Variants in ANK1 observed in about 807,000 individuals in gnomAD.
ANK1 encodes the protein ankyrin-1.
ANK1 carries 51 observed loss-of-function variants against 210.4 expected under a neutral mutation model. The ratio of observed to expected loss-of-function variants is 0.24; its 90% CI spans 0.19 to 0.31. The LOEUF is 0.31. ANK1 is among the 10% of genes least tolerant of loss of function. The pLI is 1.00. For missense variants in ANK1, 2,051 were observed against 2,504.4 expected (o/e 0.82, Z 3.86); for synonymous variants, 967 against 1,025.9 (o/e 0.94, Z 1.10).
chr8:41,730,375 C>T (rs558811593), intron 3 of ANK1, among the ~76,000 whole-genome samples: 5 of 151,456 alleles, frequency 3.3e-5, no homozygotes, highest in Admixed American at 2.0e-4. Flanking sequence ...GAGGCCAAGG[C>T]GGGAGGATTG....
intron 1 of ANK1, among the ~76,000 whole-genome samples, chr8:41,860,673 T>C (rs1813110249): frequency 6.6e-6 from 1 of 152,162 alleles, no homozygotes; most frequent in African/African-American, 2.4e-5. Flanking sequence ...GAATTTGCCT[T>C]CCAACAAGAA....
chr8:41,753,981 C>T (rs1838433960), intron 2 of ANK1, among the ~76,000 whole-genome samples: 1 of 152,210 alleles, frequency 6.6e-6, no homozygotes, highest in South Asian at 2.1e-4. Flanking sequence ...GCTGTCTCTT[C>T]CTCATGGTAG....
intron 26 of ANK1, among the ~76,000 whole-genome samples, 194 bp downstream of exon 26, chr8:41,696,169 C>T (rs1355394997): frequency 2.6e-5 from 4 of 152,212 alleles, no homozygotes; most frequent in South Asian, 2.1e-4. Flanking sequence ...AGATTACAGG[C>T]GTGAGCTATC....
chr8:41,890,232 G>A (rs1819150293), intron 1 of ANK1, among the ~76,000 whole-genome samples: 1 of 152,182 alleles, frequency 6.6e-6, no homozygotes, highest in Non-Finnish European at 1.5e-5. Context: ...AGAAAACTGA[G>A]GCTGGAGGAA....
chr8:41,799,874 G>C (rs538003305), upstream of ANK1, among the ~76,000 whole-genome samples: 7 of 152,204 alleles, frequency 4.6e-5, no homozygotes, highest in African/African-American at 1.4e-4. Flanking sequence ...TCAGGGAGCC[G>C]GACTCACGAT....
At chr8:41,818,540 A>G (rs1162511141) in intron 1 of ANK1, among the ~76,000 whole-genome samples, 2 of 152,136 alleles carry the variant, frequency 1.3e-5, no homozygotes, top group East Asian at 3.8e-4. Context: ...TAGCCAATTT[A>G]TTTATCCCAG....
intron 1 of ANK1, among the ~76,000 whole-genome samples, chr8:41,783,455 G>A (rs1018785635): frequency 1.3e-5 from 2 of 152,060 alleles, no homozygotes; most frequent in Admixed American, 6.6e-5. Flanking sequence ...GTGACAATTC[G>A]GGACTTTTTT....
intron 7 of ANK1, among the ~76,000 whole-genome samples, 159 bp from the exon 8 acceptor site, chr8:41,723,792 AT>A (rs1201907717): frequency 1.2e-3 from 163 of 140,084 alleles, no homozygotes; most frequent in East Asian, 4.2e-3. Context: ...TTTATTTTTT[AT>A]TTTTTTTTTT....
At chr8:41,683,078 G>GCA (rs375927042) in intron 37 of ANK1, among the ~76,000 whole-genome samples, 13 of 150,700 alleles carry the variant, frequency 8.6e-5, no homozygotes, top group Non-Finnish European at 1.6e-4. Context: ...ATGAACACGT[G>GCA]CACACACACA....
At chr8:41,658,303 A>G (rs539567861) in intron 42 of ANK1, among the ~76,000 whole-genome samples, 7 of 152,232 alleles carry the variant, frequency 4.6e-5, no homozygotes, top group Non-Finnish European at 1.0e-4. Context: ...TCCGAGTCAC[A>G]CTACAAACAA....
chr8:41,823,769 AC>A (rs1804873959), intron 1 of ANK1, among the ~76,000 whole-genome samples: 1 of 152,124 alleles, frequency 6.6e-6, no homozygotes, highest in Non-Finnish European at 1.5e-5. Context: ...GTCTGAAAAT[AC>A]ATTTTAAAAT....
chr8:41,743,020 C>T (rs1835172494), intron 2 of ANK1, among the ~76,000 whole-genome samples: 1 of 152,174 alleles, frequency 6.6e-6, no homozygotes, highest in Admixed American at 6.5e-5. Flanking sequence ...TACTCGATGT[C>T]ACAGAAGCTT....
In ANK1 at chr8:41,758,019, G is replaced by A. The variant is rs1178986616; in HGVS notation, c.129+17C>T. ...GCTACTCTTCAGAGACAACAGGCCTGCCTCCATCCCACTTACCTGGTTACA... is the reference window on the plus strand; with the variant it reads ...GCTACTCTTCAGAGACAACAGGCCTACCTCCATCCCACTTACCTGGTTACA... On this transcript the variant is annotated intron_variant, in intron 2 of 42. Transcript: ENST00000289734. 2 of 1,606,216 alleles carry A rather than the reference G, an allele frequency of 1.2e-6. No individual in the cohort carries two copies. The highest frequency in any genetic ancestry group is 3.3e-5 in the Admixed American group (2 of 60,016).
intron 21 of ANK1, 100 bp downstream of exon 21, chr8:41,701,952 C>A: frequency 7.7e-7 from 1 of 1,298,598 alleles, no homozygotes; most frequent in East Asian, 2.3e-5. Context: ...ACCCGCGTCC[C>A]GGAGCCCCAG....
At chr8:41,836,472 C>T (rs1342607255) in intron 1 of ANK1, among the ~76,000 whole-genome samples, 3 of 152,206 alleles carry the variant, frequency 2.0e-5, no homozygotes, top group African/African-American at 7.2e-5. Context: ...CGTGCTGGGC[C>T]CTTCCTTGAC....
At chr8:41,684,712 G>A (rs1417291445) in intron 36 of ANK1, 22 bp from the exon 37 acceptor site, 39 of 1,612,050 alleles carry the variant, frequency 2.4e-5, no homozygotes, top group Non-Finnish European at 2.9e-5. Flanking sequence ...GAAGAGAGAT[G>A]CACGTTACTC....
intron 1 of ANK1, among the ~76,000 whole-genome samples, chr8:41,809,815 G>T (rs1294612642): frequency 1.3e-5 from 2 of 152,190 alleles, no homozygotes; most frequent in Non-Finnish European, 2.9e-5. Flanking sequence ...AAATCAAACT[G>T]CACTGCCCAT....
intron 42 of ANK1, 84 bp from the exon 43 acceptor site, chr8:41,655,837 T>C (rs2150528268): frequency 2.7e-6 from 4 of 1,486,852 alleles, no homozygotes; most frequent in South Asian, 1.1e-5. Flanking sequence ...AGTTTTGTGC[T>C]GGCAGCTCAG....
rs112038594 is a variant in ANK1 at position 41,883,335 on chromosome 8, A to G, written c.126+13020T>C. Among the ~76,000 whole-genome samples, 697 of 152,230 alleles carry G rather than the reference A, an allele frequency of 4.6e-3. 9 individuals are homozygous for G. The highest frequency in any genetic ancestry group is 0.015 in the African/African-American group (627 of 41,538). ...CCACCACTCATCCAGATTTCCCTTC[A>G]AGCTACCTTAGGCCCATGTAAGCCA... On this transcript the variant is annotated intron_variant, in intron 1 of 42. Coordinates refer to the ANK1 transcript ENST00000265709.
Sources: allele counts gnomAD v4.1 joint callset (sites outside exome capture counted in the v4.1 genomes callset), GRCh38; gene constraint gnomAD v4.1.1; transcripts MANE v1.5; gene names NCBI Gene and HGNC (gene_info 2026-07-23, HGNC 2026-07-21).